The following NT5C1B variants were observed in gnomAD, a reference collection of about 807,000 sequenced individuals.
NT5C1B encodes 5'-nucleotidase, cytosolic IB.
Under a neutral mutation model 57.8 loss-of-function variants are expected in NT5C1B, and 44 were observed. That is an observed-to-expected ratio of 0.76 (90% CI 0.60 to 0.98). NT5C1B has a LOEUF of 0.98. Ranked by LOEUF, NT5C1B falls within the 50% of genes least tolerant of loss-of-function variation. The pLI, the probability that NT5C1B is intolerant of heterozygous loss-of-function variation, is 0.00. For missense variants in NT5C1B, 742 were observed against 719.5 expected, an observed-to-expected ratio of 1.03 and a Z score of -0.36; for synonymous variants, 284 against 282.6, an observed-to-expected ratio of 1.00 and a Z score of -0.05.
At chr2:18,586,177 C>A in intron 3 of NT5C1B, 77 bp downstream of exon 3, 1 of 1,561,924 alleles carries the variant, frequency 6.4e-7, no homozygotes, top group Non-Finnish European at 8.7e-7. Flanking sequence ...CAGGGCCTGG[C>A]ACGTAGAAAG....
At chr2:18,587,094 C>T (rs1666781984) in intron 2 of NT5C1B, 1 of 1,614,022 alleles carries the variant, frequency 6.2e-7, no homozygotes, top group East Asian at 2.2e-5. Flanking sequence ...CTCAGCTGCA[C>T]AAAGGCAGCG....
chr2:18,565,630 A>G (rs777442260), intron 8 of NT5C1B, among the ~76,000 whole-genome samples: 1 of 152,122 alleles, frequency 6.6e-6, no homozygotes, highest in Non-Finnish European at 1.5e-5. Context: ...CTTCATTTTG[A>G]AGCCCAGTAA....
chr2:18,571,718 GTATATATATATATATATATATATATA>G (rs59799495), intron 8 of NT5C1B, among the ~76,000 whole-genome samples: 31 of 111,470 alleles, frequency 2.8e-4, no homozygotes, highest in East Asian at 1.7e-3. Flanking sequence ...CTGTGTGTGT[GTATATATATATATATATATATATATA>G]TATATATATA....
At chr2:18,589,375 G>A in intron 1 of NT5C1B, 64 bp downstream of exon 1, 1 of 1,607,750 alleles carries the variant, frequency 6.2e-7, no homozygotes, top group East Asian at 2.2e-5. Flanking sequence ...AGAGGCAAAT[G>A]ATGGACTGAT....
exon 9 of NT5C1B, chr2:18,563,642 A>G: frequency 1.3e-6 from 1 of 791,914 alleles, no homozygotes. Context: ...TTGAGGGTTC[A>G]AAAGGTTTTC....
At position 18,584,293 on chromosome 2, in the gene NT5C1B, G is replaced by A. The variant is rs372961856; in HGVS notation, c.724-38C>T. 1.3e-5 allele frequency: 21 copies of A among 1,602,216 alleles called. No individual in the cohort carries two copies. Among genetic ancestry groups the A allele is most frequent in the Non-Finnish European group, 1.3e-5 (15 of 1,173,614 alleles). ...ACGCCAAAGGGAGGATAGTCACATA[G>A]CCACGAAGAGGACAGGGTTGGGGCT... On this transcript the variant is annotated intron_variant, in intron 4 of 8. Transcript: ENST00000304081. The surrounding 1 kb of genome is among the most constrained non-coding windows in gnomAD (Gnocchi z 5.8).
At chr2:18,568,452 T>A (rs969317926) in intron 8 of NT5C1B, among the ~76,000 whole-genome samples, 1 of 151,420 alleles carries the variant, frequency 6.6e-6, no homozygotes, top group African/African-American at 2.4e-5. Context: ...AAACAAAAGA[T>A]CTCCTGGCAG....
At chr2:18,587,920 T>A (rs1366675219) in intron 1 of NT5C1B, among the ~76,000 whole-genome samples, 2 of 152,220 alleles carry the variant, frequency 1.3e-5, no homozygotes, top group African/African-American at 4.8e-5. Context: ...AAGTTTGTTT[T>A]TTTTTCTATT....
At chr2:18,564,018 T>C in exon 9 of NT5C1B, 1 of 1,614,178 alleles carries the variant, frequency 6.2e-7, no homozygotes, top group Non-Finnish European at 8.5e-7. Flanking sequence ...CACTCCTAGC[T>C]GTAACCAGGT....
chr2:18,568,582 G>T (rs1664870093), intron 8 of NT5C1B, among the ~76,000 whole-genome samples: 1 of 152,122 alleles, frequency 6.6e-6, no homozygotes, highest in Admixed American at 6.5e-5. Context: ...TTACTAGACG[G>T]TATTTAATTG....
chr2:18,581,049 A>C lies in NT5C1B; in HGVS notation c.1021+1819T>G, dbSNP rs1219638875. Among the ~76,000 whole-genome samples, 3 of 152,362 alleles carry C rather than the reference A, an allele frequency of 2.0e-5. No homozygotes were observed. The East Asian group carries it at 5.8e-4, about 29-fold the overall frequency. On this transcript the variant is annotated intron_variant, in intron 6 of 8. Coordinates refer to ENST00000304081, the Ensembl canonical transcript of NT5C1B. ...ACCAAACCCTCATGACATGTGATTT[A>C]GCCATATAACAGTGAATTATCATCA...
At chr2:18,564,063 G>A (rs1664416680) in exon 9 of NT5C1B, 4 of 1,607,450 alleles carry the variant, frequency 2.5e-6, no homozygotes, top group Non-Finnish European at 2.6e-6. Flanking sequence ...GTTCATTTTT[G>A]GCATAGAACT....
intron 8 of NT5C1B, among the ~76,000 whole-genome samples, chr2:18,567,198 G>A (rs1664722283): frequency 6.6e-6 from 1 of 152,128 alleles, no homozygotes. Context: ...CAGGTGTGGA[G>A]GAGGGGAGCA....
At chr2:18,567,216 C>T (rs1664726690) in intron 8 of NT5C1B, among the ~76,000 whole-genome samples, 1 of 152,162 alleles carries the variant, frequency 6.6e-6, no homozygotes, top group South Asian at 2.1e-4. Context: ...GCAGCTGCCA[C>T]TGGGGGCAAA....
At chr2:18,569,871 G>T (rs1488542358) in intron 8 of NT5C1B, among the ~76,000 whole-genome samples, 3 of 152,026 alleles carry the variant, frequency 2.0e-5, no homozygotes, top group Non-Finnish European at 4.4e-5. Context: ...TAATCTGATT[G>T]ACATTTATAG....
At chr2:18,569,318 A>G (rs1664939797) in intron 8 of NT5C1B, among the ~76,000 whole-genome samples, 1 of 152,202 alleles carries the variant, frequency 6.6e-6, no homozygotes, top group Non-Finnish European at 1.5e-5. Flanking sequence ...GGAAAAAAGA[A>G]AAGAAAAAGG....
rs765724883 is a variant in NT5C1B at position 18,568,841 on chromosome 2, C to G, written c.1330-4722G>C. 3.3e-4 allele frequency among the ~76,000 whole-genome samples: 50 copies of G among 152,280 alleles called. 1 individual carries two copies. The highest frequency in any genetic ancestry group is 1.2e-3 in the South Asian group (6 of 4,828). On this transcript the variant is annotated intron_variant, in intron 8 of 8. Coordinates refer to ENST00000304081, the Ensembl canonical transcript of NT5C1B. The stretch of plus-strand genomic sequence containing the variant: ...AGCTGTCCTGCCTTTCCAGACCGAA[C>G]CAATGTTCATGTTACATATGTTGAT...
chr2:18,577,305 A>G (rs1328991011), intron 6 of NT5C1B, among the ~76,000 whole-genome samples: 1 of 151,788 alleles, frequency 6.6e-6, no homozygotes, highest in East Asian at 1.9e-4. Context: ...TCTGGGCTAG[A>G]ACAGGGTACT....
chr2:18,569,659 A>G (rs1664975081), intron 8 of NT5C1B, among the ~76,000 whole-genome samples: 1 of 152,240 alleles, frequency 6.6e-6, no homozygotes, highest in African/African-American at 2.4e-5. Context: ...AGACAATATA[A>G]TAATCCTAAA....
Sources: gnomAD v4.1 joint callset for allele counts (sites outside exome capture counted in the v4.1 genomes callset) on GRCh38, gnomAD v4.1.1 for gene constraint, Gnocchi (gnomAD v3.1) non-coding constraint, MANE v1.5 for transcripts, NCBI Gene and HGNC (gene_info 2026-07-23, HGNC 2026-07-21) for gene names.